The following VEPH1 variants were observed in gnomAD, a reference collection of about 807,000 sequenced individuals.
The protein encoded by VEPH1 is ventricular zone expressed PH domain containing 1, also known as ventricular zone-expressed PH domain-containing protein homolog 1.
In VEPH1, 80 loss-of-function variants were observed where a neutral mutation model predicts 85.2. The ratio of observed to expected loss-of-function variants is 0.94; its 90% CI spans 0.78 to 1.13. The LOEUF (loss-of-function observed/expected upper bound fraction) is 1.13. Ranked by LOEUF, VEPH1 falls within the 50% of genes most tolerant of loss-of-function variation. VEPH1 has a pLI of 0.00. For synonymous variants in VEPH1, 297 were observed against 348.0 expected (o/e 0.85, Z 1.63); for missense variants, 955 against 980.5 (o/e 0.97, Z 0.35).
chr3:157,332,099 A>G lies in VEPH1; in HGVS notation c.1736-14898T>C, dbSNP rs553921027. 2.0e-5 allele frequency among the ~76,000 whole-genome samples: 3 copies of G among 152,358 alleles called. No individual in the cohort carries two copies. In the South Asian group the frequency reaches 6.2e-4, roughly 32 times the overall value. ...GTGCTTGCGGCTACTGCTGGCATAG[A>G]AGGGTTAACCCAGACCATTCCATAA... On this transcript the variant is annotated intron_variant, in intron 9 of 13. Coordinates refer to ENST00000362010, the MANE Select transcript of VEPH1 (RefSeq NM_001167912.2).
chr3:157,320,101 A>C (rs1721197716), intron 9 of VEPH1, among the ~76,000 whole-genome samples: 1 of 152,152 alleles, frequency 6.6e-6, no homozygotes, highest in African/African-American at 2.4e-5. Flanking sequence ...GAATGCAATA[A>C]ATTGTTGTTG....
rs1340504608 is a variant in VEPH1, at chr3:157,436,962, C to T, written c.530-8474G>A. 6.2e-7 allele frequency: 1 copy of T among 1,613,932 alleles called. No homozygotes were observed. Among genetic ancestry groups the T allele is most frequent in the Non-Finnish European group, 8.5e-7 (1 of 1,179,952 alleles). On this transcript the variant is annotated intron_variant, in intron 4 of 13. Coordinates refer to ENST00000362010, the MANE Select transcript of VEPH1 (RefSeq NM_001167912.2). The stretch of plus-strand genomic sequence containing the variant: ...CATCTCCTTGCGATTCTGTTTTGTG[C>T]TCTCTGGTCTGCAGTGTTGGCCGAG...
intron 2 of VEPH1, among the ~76,000 whole-genome samples, chr3:157,474,049 G>A (rs62280979): frequency 0.17 from 26,023 of 151,834 alleles, 2,848 homozygotes; most frequent in East Asian, 0.36. Context: ...ATTTTTTTGC[G>A]TCAATATTTG....
At chr3:157,275,597 AT>A (rs1715286753) in intron 12 of VEPH1, among the ~76,000 whole-genome samples, 1 of 152,064 alleles carries the variant, frequency 6.6e-6, no homozygotes, top group Non-Finnish European at 1.5e-5. Flanking sequence ...CAAAAAATAT[AT>A]ATATATAATG....
At chr3:157,433,441 A>C (rs1349834874) in intron 4 of VEPH1, among the ~76,000 whole-genome samples, 2 of 152,134 alleles carry the variant, frequency 1.3e-5, no homozygotes, top group Non-Finnish European at 2.9e-5. Flanking sequence ...GCTGAATTTT[A>C]TCAAACATTC....
intron 1 of VEPH1, among the ~76,000 whole-genome samples, chr3:157,497,800 G>T (rs993725911): frequency 3.3e-5 from 5 of 152,132 alleles, no homozygotes; most frequent in Admixed American, 3.3e-4. Context: ...TACTCTTGAG[G>T]GCCCATCACA....
intron 11 of VEPH1, among the ~76,000 whole-genome samples, chr3:157,299,242 G>T (rs1718478357): frequency 6.6e-6 from 1 of 152,010 alleles, no homozygotes; most frequent in Non-Finnish European, 1.5e-5. Flanking sequence ...TGGGCTATTT[G>T]TGAAAATAAA....
intron 9 of VEPH1, among the ~76,000 whole-genome samples, chr3:157,337,282 AGAAAAT>A (rs776958493): frequency 2.6e-5 from 4 of 152,164 alleles, no homozygotes; most frequent in Non-Finnish European, 5.9e-5. Context: ...TATTAAATTA[AGAAAAT>A]GTTAGTTAAC....
chr3:157,456,159 A>G (rs1735362532), intron 4 of VEPH1, among the ~76,000 whole-genome samples: 1 of 151,980 alleles, frequency 6.6e-6, no homozygotes, highest in South Asian at 2.1e-4. Flanking sequence ...TGTTGGCTGC[A>G]TGTATGTCTT....
chr3:157,373,882 C>T (rs1470119803), intron 7 of VEPH1, among the ~76,000 whole-genome samples: 1 of 152,170 alleles, frequency 6.6e-6, no homozygotes, highest in Non-Finnish European at 1.5e-5. Flanking sequence ...CTGCCCGAGT[C>T]TCTACCCTAC....
In VEPH1 at chr3:157,433,754, A is replaced by ATT. The variant is rs1733344480; in HGVS notation, c.530-5268_530-5267dup. ...TAGACATGTAAAATGAATTTAGCAC[A>ATT]TTCCTGAACACTCTATTCTCAGAAG... On this transcript the variant is annotated intron_variant, in intron 4 of 13. Transcript: ENST00000362010. Among the ~76,000 whole-genome samples the ATT allele has an allele frequency of 2.0e-5, 3 of 152,194 alleles. No individual in the cohort carries two copies. In the South Asian group the frequency reaches 6.2e-4, roughly 31 times the overall value.
At chr3:157,459,617 G>A (rs1735652930) in intron 4 of VEPH1, 3 of 1,248,198 alleles carry the variant, frequency 2.4e-6, no homozygotes, top group East Asian at 7.0e-5. Flanking sequence ...AAGACAAGGA[G>A]AATATTTTGC....
intron 11 of VEPH1, among the ~76,000 whole-genome samples, chr3:157,311,357 C>T (rs193110456): frequency 6.6e-6 from 1 of 152,186 alleles, no homozygotes; most frequent in Admixed American, 6.5e-5. Context: ...ACACACATGG[C>T]CATCTCTTTC....
chr3:157,434,197 T>G (rs1733377191), intron 4 of VEPH1, among the ~76,000 whole-genome samples: 2 of 152,240 alleles, frequency 1.3e-5, no homozygotes, highest in African/African-American at 2.4e-5. Context: ...TTGCTTGGTG[T>G]GTTCTCTTCC....
At chr3:157,502,205 C>G (rs992767089) in intron 1 of VEPH1, among the ~76,000 whole-genome samples, 29 of 152,262 alleles carry the variant, frequency 1.9e-4, no homozygotes, top group South Asian at 1.2e-3. Context: ...TACATACGAT[C>G]TAAGTTTGTA....
Position 157,364,414 on chromosome 3 carries a change from A to G in VEPH1, c.1226T>C (p.Ile409Thr), listed in dbSNP as rs745608559. The G allele has an allele frequency of 3.1e-6, 5 of 1,614,002 alleles. No individual in the cohort carries two copies. The highest frequency in any genetic ancestry group is 4.2e-6 in the Non-Finnish European group (5 of 1,179,958). Residue 409 changes from isoleucine (I) to threonine (T), a missense_variant, in exon 8 of 14, where the codon ATC (isoleucine) becomes ACC (threonine). Physicochemically the swap from Ile to Thr is moderately conservative, Grantham distance 89 (BLOSUM62 -1). Transcript: ENST00000362010. ...NEDHEKLQVK[I>T]QAFEDKINAG... is the part of the protein sequence containing the mutation. ...ATTTATCTTGTCTTCAAAAGCCTGG[A>G]TTTTAACTTGGAGTTTTTCATGGTC...
intron 7 of VEPH1, among the ~76,000 whole-genome samples, chr3:157,368,522 C>T (rs374827315): frequency 4.6e-5 from 7 of 151,956 alleles, no homozygotes; most frequent in Middle Eastern, 3.4e-3. Flanking sequence ...AACTGAGTCA[C>T]GCTCTGTCGC....
chr3:157,478,885 A>G (rs965636692), intron 2 of VEPH1, among the ~76,000 whole-genome samples: 1 of 152,186 alleles, frequency 6.6e-6, no homozygotes, highest in Non-Finnish European at 1.5e-5. Flanking sequence ...TTTACTACAA[A>G]GAGATTTTTC....
intron 4 of VEPH1, among the ~76,000 whole-genome samples, chr3:157,454,760 C>T (rs9682235): frequency 0.038 from 5,806 of 152,168 alleles, 361 homozygotes; most frequent in African/African-American, 0.13. Context: ...CCCTCTCTTC[C>T]TACCCCTCTT....
Sources: allele counts gnomAD v4.1 joint callset (sites outside exome capture counted in the v4.1 genomes callset), GRCh38; gene constraint gnomAD v4.1.1; transcripts MANE v1.5; gene names NCBI Gene and HGNC (gene_info 2026-07-23, HGNC 2026-07-21).